Variants in TLCD3B observed in about 807,000 individuals in gnomAD.
TLCD3B encodes the protein TLC domain containing 3B, also known as ceramide synthase.
Under a neutral mutation model 23.0 loss-of-function variants are expected in TLCD3B, and 9 were observed. The ratio of observed to expected loss-of-function variants is 0.39; its 90% confidence interval spans 0.24 to 0.68. The LOEUF is 0.68. TLCD3B is among the 30% of genes least tolerant of loss of function. The pLI is 0.44. For synonymous variants in TLCD3B, 161 were observed against 161.0 expected (o/e 1.00, Z 0.00); for missense variants, 307 against 371.8 (o/e 0.83, Z 1.43).
chr16:30,039,114 T>TAA (rs2071532998), intron 3 of TLCD3B, among the ~76,000 whole-genome samples: 4 of 137,860 alleles, frequency 2.9e-5, no homozygotes, highest in Admixed American at 7.2e-5. Context: ...TTTTTTTTTT[T>TAA]TTTTTTTTTT....
At chr16:30,036,744 A>G (rs1283288994) in intron 3 of TLCD3B, among the ~76,000 whole-genome samples, 4 of 152,184 alleles carry the variant, frequency 2.6e-5, no homozygotes, top group African/African-American at 9.7e-5. Context: ...ATGGACAGCT[A>G]TGTTTCAGGG....
At position 30,029,413 on chromosome 16, in the gene TLCD3B, G is replaced by A. The variant is rs760110719; in HGVS notation, c.209+19C>T. The A allele has an allele frequency of 1.2e-5, 19 of 1,610,010 alleles. No homozygotes were observed. The highest frequency in any genetic ancestry group is 1.4e-5 in the Non-Finnish European group (16 of 1,176,824). On this transcript the variant is annotated intron_variant, in intron 2 of 4. Coordinates refer to ENST00000380495, the MANE Select transcript of TLCD3B (RefSeq NM_031478.6). This position sits in a 1 kb window ranked among gnomAD's most constrained non-coding sequence, Gnocchi z 4.6. ...CCAACCACTGGCACCTGGGCAGGGG[G>A]GTGTCTCGCAGCACTTACTGGTCAT... is the stretch of plus-strand genomic sequence containing the variant.
At position 30,030,849 on chromosome 16, in the gene TLCD3B, G is replaced by T; in HGVS notation, c.-322C>A. The T allele has an allele frequency of 4.0e-6, 4 of 1,009,662 alleles. No homozygotes were observed. The highest frequency in any genetic ancestry group is 4.7e-6 in the Non-Finnish European group (4 of 843,246). The allele number at this position is 1,009,662 out of a possible 1,614,324, so 62.5% of individuals were successfully genotyped here. A position where few individuals can be genotyped will look rare whatever the true frequency, so the allele number is the denominator to read the frequency against. On this transcript the variant is annotated 5_prime_UTR_variant, in exon 1 of 5. Transcript: ENST00000380495. ...AGAGAGGAAGAGGGGACAGGAGGAG[G>T]AGGATGCGGATGGGGGAGGGGAGGG...
upstream of TLCD3B, chr16:30,036,250 T>C (rs1359189520): frequency 6.2e-6 from 8 of 1,289,004 alleles, no homozygotes; most frequent in Non-Finnish European, 8.1e-6. Flanking sequence ...GTCAAGATAT[T>C]TGGAACTTTA....
Position 30,039,103 on chromosome 16 carries a change from C to CTTTTTTT in TLCD3B, c.-67+1885_-67+1891dup, listed in dbSNP as rs1018184417. On this transcript the variant is annotated intron_variant, in intron 3 of 6. Transcript: ENST00000561666. ...TTATCCTTCTCCTCCTCCTTCCTCT[C>CTTTTTTT]TTTTTTTTTTTTTTTTTTTTTTTTT... Among the ~76,000 whole-genome samples the CTTTTTTT allele has an allele frequency of 6.6e-3, 657 of 99,628 alleles. 181 individuals are homozygous for CTTTTTTT. The highest frequency in any genetic ancestry group is 0.021 in the Middle Eastern group (3 of 146). The allele number at this position is 99,628 out of a possible 152,430, so 65.4% of individuals were successfully genotyped here. A position where few individuals can be genotyped will look rare whatever the true frequency, so the allele number is the denominator to read the frequency against.
intron 2 of TLCD3B, among the ~76,000 whole-genome samples, chr16:30,044,573 A>G (rs1021319312): frequency 2.0e-5 from 3 of 152,126 alleles, no homozygotes; most frequent in Admixed American, 1.3e-4. Context: ...TGGCCTCCCA[A>G]TGTGCTGGGA....
intron 2 of TLCD3B, among the ~76,000 whole-genome samples, chr16:30,041,721 CAA>C (rs547074758): frequency 7.0e-4 from 44 of 62,440 alleles, no homozygotes; most frequent in East Asian, 5.6e-3. Context: ...GACTCTGTCT[CAA>C]AAAAAAAAAA....
chr16:30,040,275 A>T (rs1344362586), intron 3 of TLCD3B, among the ~76,000 whole-genome samples: 1 of 151,748 alleles, frequency 6.6e-6, no homozygotes, highest in African/African-American at 2.4e-5. Flanking sequence ...ATGCATAGAA[A>T]CTACAATACT....
rs112539866 is a variant in TLCD3B at position 30,038,757 on chromosome 16, C to CAA, written c.-67+2236_-67+2237dup. Among the ~76,000 whole-genome samples the CAA allele has an allele frequency of 4.6e-4, 66 of 144,434 alleles. No homozygotes were observed. In the South Asian group the frequency reaches 4.6e-3, roughly 10 times the overall value. The allele number at this position is 144,434 out of a possible 152,430, so 94.8% of individuals were successfully genotyped here. On this transcript the variant is annotated intron_variant, in intron 3 of 6. Coordinates refer to the TLCD3B transcript ENST00000561666. ...TGGGCGACAGAGCGAGACTCTGTCT[C>CAA]AAAAAAAAAAAAATTTAATTAAAAA... is the stretch of plus-strand genomic sequence containing the variant.
chr16:30,048,752 A>G (rs2071709453), intron 1 of TLCD3B, among the ~76,000 whole-genome samples: 1 of 151,656 alleles, frequency 6.6e-6, no homozygotes, highest in Admixed American at 6.6e-5. Flanking sequence ...GATTACAGGC[A>G]TGCACCACCA....
rs570711177 is a variant in TLCD3B at position 30,024,984 on chromosome 16, G to C, written c.*199C>G. The C allele has an allele frequency of 8.0e-4, 409 of 511,758 alleles. 6 individuals are homozygous for C. Among genetic ancestry groups the C allele is most frequent in the Non-Finnish European group, 1.3e-4 (37 of 294,038 alleles). The allele number at this position is 511,758 out of a possible 1,614,324, so 31.7% of individuals were successfully genotyped here. On this transcript the variant is annotated 3_prime_UTR_variant, in exon 5 of 5. Coordinates refer to ENST00000380495, the MANE Select transcript of TLCD3B (RefSeq NM_031478.6). Reference sequence around the variant, plus strand: ...CTCCAGCGCAAGGGTGTGCAGGAAGGGGGCAGAGTAGGGGGAAGAGGTCCC... The same window carrying C: ...CTCCAGCGCAAGGGTGTGCAGGAAGCGGGCAGAGTAGGGGGAAGAGGTCCC...
At chr16:30,045,202 C>T (rs939292560) in intron 2 of TLCD3B, among the ~76,000 whole-genome samples, 1 of 147,536 alleles carries the variant, frequency 6.8e-6, no homozygotes, top group South Asian at 2.1e-4. Context: ...TAATCAGAAG[C>T]GTTGAAAGGG....
chr16:30,038,612 T>C (rs1363632727), intron 3 of TLCD3B, among the ~76,000 whole-genome samples: 2 of 152,110 alleles, frequency 1.3e-5, no homozygotes, highest in African/African-American at 2.4e-5. Context: ...TAGCTGGGCA[T>C]GGTGGCATGT....
Position 30,025,882 on chromosome 16 carries a change from C to T in TLCD3B, c.445-61G>A, listed in dbSNP as rs368492070. 1.3e-5 allele frequency: 17 copies of T among 1,293,606 alleles called. No homozygotes were observed. The Admixed American group carries it at 1.9e-4, about 14-fold the overall frequency. The allele number at this position is 1,293,606 out of a possible 1,614,324, so 80.1% of individuals were successfully genotyped here. On this transcript the variant is annotated intron_variant, in intron 3 of 4. Coordinates refer to ENST00000380495, the MANE Select transcript of TLCD3B (RefSeq NM_031478.6). The surrounding 1 kb of genome is among the most constrained non-coding windows in gnomAD (Gnocchi z 4.1). ...TCTCCCTGGGTTCTTGGGCAGCCCC[C>T]GCCCTTCCTCTTTCCCCTCTGTCAC...
At chr16:30,048,425 G>T (rs1475075991) in intron 1 of TLCD3B, among the ~76,000 whole-genome samples, 5 of 151,950 alleles carry the variant, frequency 3.3e-5, no homozygotes, top group African/African-American at 1.2e-4. Context: ...ATATTTTAAT[G>T]AGCCTTCATT....
At chr16:30,044,650 A>G (rs1446637226) in intron 2 of TLCD3B, among the ~76,000 whole-genome samples, 1 of 152,226 alleles carries the variant, frequency 6.6e-6, no homozygotes, top group African/African-American at 2.4e-5. Flanking sequence ...TCTGGAAAAT[A>G]GAAAACCAGT....
chr16:30,038,140 A>G (rs2071508698), intron 3 of TLCD3B, among the ~76,000 whole-genome samples: 1 of 152,116 alleles, frequency 6.6e-6, no homozygotes, highest in East Asian at 1.9e-4. Flanking sequence ...AAAATTCTAA[A>G]TTTAGGCTCT....
At position 30,026,590 on chromosome 16, in the gene TLCD3B, C is replaced by A; in HGVS notation, c.444+19G>T. The stretch of plus-strand genomic sequence containing the variant: ...AGCAGGCCACCCGCACCCCGCCCGC[C>A]CAGCTCCCCGGGACTCACCACTGAG... On this transcript the variant is annotated intron_variant, in intron 3 of 4. Transcript: ENST00000380495. 2 of 1,606,812 alleles carry A rather than the reference C, an allele frequency of 1.2e-6. No individual in the cohort carries two copies. Among genetic ancestry groups the A allele is most frequent in the Non-Finnish European group, 1.7e-6 (2 of 1,175,228 alleles).
intron 2 of TLCD3B, among the ~76,000 whole-genome samples, chr16:30,041,721 CAAA>C (rs547074758): frequency 6.4e-5 from 4 of 62,450 alleles, no homozygotes; most frequent in Non-Finnish European, 6.7e-5. Context: ...GACTCTGTCT[CAAA>C]AAAAAAAAAA....
Sources: gnomAD v4.1 joint callset for allele counts (sites outside exome capture counted in the v4.1 genomes callset) on GRCh38, gnomAD v4.1.1 for gene constraint, Gnocchi (gnomAD v3.1) non-coding constraint, MANE v1.5 for transcripts, NCBI Gene and HGNC (gene_info 2026-07-23, HGNC 2026-07-21) for gene names.